Variants in PPARG observed in about 807,000 individuals in gnomAD.
PPARG encodes peroxisome proliferator-activated receptor gamma.
PPARG carries 17 observed loss-of-function variants against 39.2 expected under a neutral mutation model. That is an observed-to-expected ratio of 0.43 (90% confidence interval 0.30 to 0.65). PPARG has a LOEUF of 0.65. Among genes scored for constraint, PPARG ranks in the 30% least tolerant of loss-of-function variants. The pLI, the probability that PPARG is intolerant of heterozygous loss-of-function variation, is 0.13. For missense variants in PPARG, 406 were observed against 585.9 expected, an observed-to-expected ratio of 0.69 and a Z score of 3.17; for synonymous variants, 223 against 215.7, an observed-to-expected ratio of 1.03 and a Z score of -0.30.
chr3:12,401,079 T>G (rs4135342), intron 5 of PPARG, among the ~76,000 whole-genome samples: 3,174 of 152,272 alleles, frequency 0.021, 118 homozygotes, highest in African/African-American at 0.072. Context: ...CACTTGTATA[T>G]GAGTACACTC....
chr3:12,433,487 G>A (rs4135299), intron 7 of PPARG, among the ~76,000 whole-genome samples: 24,674 of 149,164 alleles, frequency 0.17, 2,246 homozygotes, highest in Admixed American at 0.25. Flanking sequence ...GTAGTGAGCC[G>A]ACGTCATGCC....
chr3:12,411,840 G>A (rs926404528), intron 6 of PPARG, among the ~76,000 whole-genome samples: 4 of 152,122 alleles, frequency 2.6e-5, no homozygotes, highest in Admixed American at 6.5e-5. Flanking sequence ...GTAGCTAACC[G>A]AGGAGAACCA....
At chr3:12,345,414 G>C (rs1350446284) in intron 2 of PPARG, among the ~76,000 whole-genome samples, 1 of 152,168 alleles carries the variant, frequency 6.6e-6, no homozygotes, top group South Asian at 2.1e-4. Context: ...ATTCATCATA[G>C]AAAAATGCTT....
intron 1 of PPARG, among the ~76,000 whole-genome samples, chr3:12,293,580 C>CA (rs1559481846): frequency 1.3e-5 from 2 of 152,138 alleles, no homozygotes; most frequent in Non-Finnish European, 2.9e-5. Flanking sequence ...TCAACTCCCA[C>CA]AGTCAGCAGG....
At chr3:12,364,929 T>C (rs1441719452) in intron 2 of PPARG, among the ~76,000 whole-genome samples, 1 of 152,210 alleles carries the variant, frequency 6.6e-6, no homozygotes, top group African/African-American at 2.4e-5. Context: ...TTGTATATTT[T>C]GGATAACAGT....
rs148938603 is a variant in PPARG at position 12,374,890 on chromosome 3, C to T, written c.-8-4814C>T. Among the ~76,000 whole-genome samples, 859 of 152,190 alleles carry T rather than the reference C, an allele frequency of 5.6e-3. 11 individuals are homozygous for T. The highest frequency in any genetic ancestry group is 0.019 in the African/African-American group (795 of 41,552). ...GGCTACTATGAAAAGCAAAACAAAA[C>T]GAAAACAGAAAACAGCATCCTTTTA... On this transcript the variant is annotated intron_variant, in intron 2 of 7. Coordinates refer to ENST00000651735, the MANE Select transcript of PPARG (RefSeq NM_138711.6).
rs532042786 is a variant in PPARG, at chr3:12,423,764, T to G, written c.1180+6610T>G. On this transcript the variant is annotated intron_variant, in intron 7 of 7. Coordinates refer to ENST00000651735, the MANE Select transcript of PPARG (RefSeq NM_138711.6). ...TTTACCTCCCTCATCCGTAGAGGGT[T>G]TTTGGACAAGACAGGCTGGTGCCTA... 2.6e-5 allele frequency among the ~76,000 whole-genome samples: 4 copies of G among 152,346 alleles called. No homozygotes were observed. In the South Asian group the frequency reaches 6.2e-4, roughly 24 times the overall value.
In PPARG at chr3:12,416,693, T is replaced by A; in HGVS notation, c.730-11T>A. On this transcript the variant is annotated splice_polypyrimidine_tract_variant and intron_variant, in intron 6 of 7. Transcript: ENST00000651735. ...TCCAAGTCATCCACGTTTTCCCTGT[T>A]TTATTTGCAGCCATTCGTTATCTAT... 6.2e-7 allele frequency: 1 copy of A among 1,611,806 alleles called. No individual in the cohort carries two copies. Among genetic ancestry groups the A allele is most frequent in the Non-Finnish European group, 8.5e-7 (1 of 1,178,532 alleles).
chr3:12,311,840 G>A (rs546121090), intron 1 of PPARG, among the ~76,000 whole-genome samples: 1 of 152,280 alleles, frequency 6.6e-6, no homozygotes, highest in Non-Finnish European at 1.5e-5. Context: ...GGGGTGTGCT[G>A]CATTTGCCTT....
chr3:12,413,877 C>T (rs1431060309), intron 6 of PPARG, among the ~76,000 whole-genome samples: 1 of 151,720 alleles, frequency 6.6e-6, no homozygotes, highest in Non-Finnish European at 1.5e-5. Flanking sequence ...TGATTCCTCT[C>T]TCTGTCCTTG....
At chr3:12,297,963 C>T (rs915945339) in intron 1 of PPARG, 8 of 152,004 alleles carry the variant, frequency 5.3e-5, no homozygotes, top group African/African-American at 1.7e-4. Context: ...TACAAATGTT[C>T]ATTATGAGCC....
intron 1 of PPARG, among the ~76,000 whole-genome samples, chr3:12,311,671 C>T (rs1186616273): frequency 2.6e-5 from 4 of 152,082 alleles, no homozygotes; most frequent in Non-Finnish European, 5.9e-5. Flanking sequence ...GATGATAAGG[C>T]TTTTGGCATT....
chr3:12,367,392 G>A (rs1232637591), intron 2 of PPARG, among the ~76,000 whole-genome samples: 2 of 152,158 alleles, frequency 1.3e-5, no homozygotes, highest in African/African-American at 4.8e-5. Flanking sequence ...AACCAAGCTT[G>A]AGCTAGTTTG....
intron 2 of PPARG, among the ~76,000 whole-genome samples, chr3:12,326,941 A>G (rs930625841): frequency 6.6e-6 from 1 of 152,208 alleles, no homozygotes; most frequent in African/African-American, 2.4e-5. Context: ...TAGCCATCCT[A>G]TGAGAATGTG....
At position 12,434,334 on chromosome 3, in the gene PPARG, A is replaced by G; in HGVS notation, c.*189A>G. The G allele has an allele frequency of 1.3e-6, 1 of 750,738 alleles. No individual in the cohort carries two copies. Among genetic ancestry groups the G allele is most frequent in the Non-Finnish European group, 2.1e-6 (1 of 472,300 alleles). 46.5% of individuals were successfully genotyped at this position (750,738 alleles called of 1,614,324 possible). On this transcript the variant is annotated 3_prime_UTR_variant, in exon 8 of 8. Coordinates refer to ENST00000651735, the MANE Select transcript of PPARG (RefSeq NM_138711.6). The surrounding 1 kb of genome is among the most constrained non-coding windows in gnomAD (Gnocchi z 4.2). ...TTTACTTTTAATATTAAAAATTACC[A>G]TATTATGAAATTGCTGATAGTATTT...
chr3:12,368,421 A>G (rs2049096676), intron 2 of PPARG, among the ~76,000 whole-genome samples: 1 of 152,000 alleles, frequency 6.6e-6, no homozygotes, highest in Admixed American at 6.6e-5. Flanking sequence ...ACCTCAGGTG[A>G]TCCTCCCACC....
intron 5 of PPARG, among the ~76,000 whole-genome samples, chr3:12,395,985 G>C (rs2050242948): frequency 6.6e-6 from 1 of 152,064 alleles, no homozygotes; most frequent in African/African-American, 2.4e-5. Flanking sequence ...AAAGACTCAT[G>C]GATAATGTTG....
chr3:12,379,652 T>C lies in PPARG; in HGVS notation c.-8-52T>C, dbSNP rs886817354. The C allele has an allele frequency of 1.8e-5, 26 of 1,484,512 alleles. No homozygotes were observed. The Admixed American group carries it at 1.8e-4, about 11-fold the overall frequency. The allele number at this position is 1,484,512 out of a possible 1,614,324, so 92.0% of individuals were successfully genotyped here. On this transcript the variant is annotated intron_variant, in intron 2 of 7. Coordinates refer to ENST00000651735, the MANE Select transcript of PPARG (RefSeq NM_138711.6). ...TTTCTCTTTCTGAAACTCTGTGAGA[T>C]TGCTGTGTTCTCTAGGACTTAACTT...
intron 7 of PPARG, among the ~76,000 whole-genome samples, chr3:12,426,241 C>T (rs1344489352): frequency 6.6e-6 from 1 of 152,192 alleles, no homozygotes; most frequent in African/African-American, 2.4e-5. Flanking sequence ...TTATTTAAAC[C>T]GGCAAGTGTC....
Sources: allele counts gnomAD v4.1 joint callset (sites outside exome capture counted in the v4.1 genomes callset), GRCh38; gene constraint gnomAD v4.1.1; non-coding constraint Gnocchi (gnomAD v3.1); transcripts MANE v1.5; gene names NCBI Gene and HGNC (gene_info 2026-07-23, HGNC 2026-07-21).